The following MAML3 variants were observed in gnomAD, a reference collection of about 807,000 sequenced individuals.
MAML3 encodes mastermind-like protein 3.
Under a neutral mutation model 101.9 loss-of-function variants are expected in MAML3, and 27 were observed. The ratio of observed to expected loss-of-function variants is 0.27; its 90% CI spans 0.20 to 0.37. MAML3 has a LOEUF of 0.37. Ranked by LOEUF, MAML3 falls within the 10% of genes least tolerant of loss-of-function variation. The pLI is 1.00. For synonymous variants in MAML3, 501 were observed against 555.9 expected (o/e 0.90, Z 1.39); for missense variants, 1,316 against 1,444.9 (o/e 0.91, Z 1.45).
intron 1 of MAML3, among the ~76,000 whole-genome samples, chr4:140,100,571 C>T (rs533498412): frequency 5.9e-5 from 9 of 151,908 alleles, no homozygotes; most frequent in Non-Finnish European, 7.4e-5. Context: ...AATGTAAAAA[C>T]GGAGCAAGCC....
At chr4:139,973,218 G>T (rs1877077) in intron 1 of MAML3, among the ~76,000 whole-genome samples, 2 of 152,094 alleles carry the variant, frequency 1.3e-5, no homozygotes, top group African/African-American at 4.8e-5. Flanking sequence ...GGGCCAGGCC[G>T]TGGGTCACTA....
chr4:139,968,309 T>TAA (rs60977680), intron 1 of MAML3, among the ~76,000 whole-genome samples: 6 of 106,308 alleles, frequency 5.6e-5, no homozygotes, highest in Admixed American at 2.1e-4. Flanking sequence ...GGCTCTGTCT[T>TAA]AAAAAAAAAA....
At chr4:139,949,230 T>C (rs1027327140) in intron 1 of MAML3, among the ~76,000 whole-genome samples, 7 of 152,142 alleles carry the variant, frequency 4.6e-5, no homozygotes, top group African/African-American at 1.4e-4. Context: ...TTGTCCAGGA[T>C]GGTCTTGGTA....
intron 2 of MAML3, among the ~76,000 whole-genome samples, chr4:139,845,023 T>C (rs550336128): frequency 1.3e-5 from 2 of 152,268 alleles, no homozygotes; most frequent in Admixed American, 6.5e-5. Context: ...TCTCTCTCTC[T>C]CCCTCTGCCC....
At chr4:140,143,533 C>T (rs1729009131) in intron 1 of MAML3, among the ~76,000 whole-genome samples, 2 of 152,122 alleles carry the variant, frequency 1.3e-5, no homozygotes, top group East Asian at 1.9e-4. Flanking sequence ...AAGGCCAAGG[C>T]GGGCGGATCA....
intron 1 of MAML3, among the ~76,000 whole-genome samples, chr4:139,954,404 G>A (rs1733881851): frequency 1.3e-5 from 2 of 152,238 alleles, no homozygotes; most frequent in African/African-American, 2.4e-5. Flanking sequence ...TAGAAAACAT[G>A]TCTGTGTTTC....
chr4:140,008,661 A>G (rs954233852), intron 1 of MAML3, among the ~76,000 whole-genome samples: 2 of 152,220 alleles, frequency 1.3e-5, no homozygotes, highest in Non-Finnish European at 2.9e-5. Context: ...TACATAGTTC[A>G]TCTTCCAGAT....
intron 2 of MAML3, among the ~76,000 whole-genome samples, chr4:139,805,697 A>C (rs184974653): frequency 6.6e-5 from 10 of 152,334 alleles, no homozygotes; most frequent in African/African-American, 2.4e-4. Flanking sequence ...AATATAATTC[A>C]AATCAGCATT....
chr4:139,886,073 T>C (rs1428230974), intron 2 of MAML3, among the ~76,000 whole-genome samples: 1 of 151,954 alleles, frequency 6.6e-6, no homozygotes, highest in African/African-American at 2.4e-5. Flanking sequence ...TTATTGCTAC[T>C]TTCACTGTCA....
intron 2 of MAML3, among the ~76,000 whole-genome samples, chr4:139,836,068 G>C (rs1232822205): frequency 6.6e-6 from 1 of 152,206 alleles, no homozygotes; most frequent in African/African-American, 2.4e-5. Flanking sequence ...AGCCAGTAAA[G>C]GTGGTAGATC....
intron 1 of MAML3, among the ~76,000 whole-genome samples, chr4:140,015,195 G>A (rs1017868414): frequency 3.3e-5 from 5 of 152,014 alleles, no homozygotes; most frequent in African/African-American, 1.2e-4. Flanking sequence ...CAACACAGAA[G>A]TATTGTCTAC....
chr4:139,736,565 G>A (rs1413174372), intron 2 of MAML3, among the ~76,000 whole-genome samples: 1 of 152,180 alleles, frequency 6.6e-6, no homozygotes, highest in East Asian at 1.9e-4. Context: ...AGTTAATGAA[G>A]TGTCATAGAA....
intron 1 of MAML3, among the ~76,000 whole-genome samples, chr4:139,919,645 G>A (rs1322902503): frequency 3.3e-5 from 5 of 152,188 alleles, no homozygotes; most frequent in Admixed American, 6.5e-5. Flanking sequence ...TGGAAAAACA[G>A]GCCAAGACTT....
At chr4:139,725,892 T>G in intron 3 of MAML3, 57 bp from the exon 4 acceptor site, 4 of 1,409,298 alleles carry the variant, frequency 2.8e-6, no homozygotes, top group Middle Eastern at 3.7e-4. Context: ...AAGCACACAA[T>G]TCAATATCCC....
chr4:139,836,913 G>T (rs867964077), intron 2 of MAML3, among the ~76,000 whole-genome samples: 4 of 151,776 alleles, frequency 2.6e-5, no homozygotes, highest in Middle Eastern at 3.4e-3. Flanking sequence ...ACCTGAGGTT[G>T]GGAGTTTGAG....
chr4:140,153,334 C>G lies in MAML3; in HGVS notation c.-7G>C, dbSNP rs777990836. On this transcript the variant is annotated 5_prime_UTR_variant, in exon 1 of 5. Transcript: ENST00000509479. ...GGGCTGCGAAATCCCCCATCCTGCT[C>G]CCCGGGCACACTATTTTGGAAGAAC... 6.4e-7 allele frequency: 1 copy of G among 1,570,822 alleles called. No homozygotes were observed. The highest frequency in any genetic ancestry group is 8.6e-7 in the Non-Finnish European group (1 of 1,159,212).
chr4:139,864,135 A>G (rs192023870), intron 2 of MAML3, among the ~76,000 whole-genome samples: 3 of 152,358 alleles, frequency 2.0e-5, no homozygotes, highest in African/African-American at 7.2e-5. Context: ...CATGAACTTA[A>G]TAACATTTGT....
intron 1 of MAML3, among the ~76,000 whole-genome samples, chr4:140,072,453 C>T (rs1448848570): frequency 3.3e-5 from 5 of 151,848 alleles, no homozygotes; most frequent in Non-Finnish European, 5.9e-5. Flanking sequence ...GGCGGATCAC[C>T]TGAGGTCAGG....
chr4:139,860,062 A>G (rs17050942), intron 2 of MAML3, among the ~76,000 whole-genome samples: 6,572 of 152,286 alleles, frequency 0.043, 467 homozygotes, highest in African/African-American at 0.15. Flanking sequence ...TGCCGTTTCT[A>G]TTGGAGAGAC....
Sources: gnomAD v4.1 joint callset for allele counts (sites outside exome capture counted in the v4.1 genomes callset) on GRCh38, gnomAD v4.1.1 for gene constraint, MANE v1.5 for transcripts, NCBI Gene and HGNC (gene_info 2026-07-23, HGNC 2026-07-21) for gene names.